HTR2C: variants seen among roughly 807,000 people sequenced by gnomAD.
HTR2C encodes the protein 5-hydroxytryptamine receptor 2C.
A neutral mutation model predicts 21.0 loss-of-function variants in HTR2C; 5 were observed. That is an observed-to-expected ratio of 0.24 (90% CI 0.12 to 0.50). HTR2C has a LOEUF of 0.50. HTR2C is among the 20% of genes least tolerant of loss of function. The pLI, the probability that HTR2C is intolerant of heterozygous loss-of-function variation, is 0.98. For synonymous variants in HTR2C, 150 were observed against 145.3 expected, an observed-to-expected ratio of 1.03 and a Z score of -0.23; for missense variants, 271 against 371.2, an observed-to-expected ratio of 0.73 and a Z score of 2.22.
At chrX:114,728,812 A>G (rs1185889734) in intron 3 of HTR2C, among the ~76,000 whole-genome samples, 4 of 111,892 alleles carry the variant, frequency 3.6e-5, no homozygotes, top group Non-Finnish European at 7.5e-5. Flanking sequence ...TTTCTGTTAT[A>G]TATAATTTGT....
At chrX:114,796,799 C>A (rs1251174351) in intron 4 of HTR2C, among the ~76,000 whole-genome samples, 1 of 111,397 alleles carries the variant, frequency 9.0e-6, no homozygotes, top group Non-Finnish European at 1.9e-5. Flanking sequence ...TTCCACTACC[C>A]AGTGATCACG....
At chrX:114,596,216 T>C (rs1927840079) in intron 1 of HTR2C, among the ~76,000 whole-genome samples, 1 of 112,345 alleles carries the variant, frequency 8.9e-6, no homozygotes, top group African/African-American at 3.2e-5. Context: ...AAGGTAGCAA[T>C]GTTTGCTTTA....
chrX:114,600,682 T>G (rs1928048950), intron 1 of HTR2C, among the ~76,000 whole-genome samples: 1 of 111,616 alleles, frequency 9.0e-6, no homozygotes, highest in African/African-American at 3.2e-5. Flanking sequence ...ACATTTTGAC[T>G]GCATATTCCA....
At chrX:114,715,218 G>T in intron 2 of HTR2C, 1 of 347,345 alleles carries the variant, frequency 2.9e-6, no homozygotes, top group Non-Finnish European at 6.0e-6. Context: ...AGCCGAGAAG[G>T]AAGAGCTGTT....
chrX:114,799,627 G>T (rs1216739898), intron 4 of HTR2C, among the ~76,000 whole-genome samples: 2 of 110,164 alleles, frequency 1.8e-5, no homozygotes, highest in African/African-American at 6.6e-5. Context: ...AACTAAAAAG[G>T]AATAACCAGT....
chrX:114,760,775 G>A (rs957441755), intron 4 of HTR2C, among the ~76,000 whole-genome samples: 2 of 111,044 alleles, frequency 1.8e-5, no homozygotes, highest in African/African-American at 6.6e-5. Flanking sequence ...CTCCCACCTC[G>A]GCCTCCCAAA....
chrX:114,790,354 A>G (rs2070219136), intron 4 of HTR2C, among the ~76,000 whole-genome samples: 1 of 111,917 alleles, frequency 8.9e-6, no homozygotes, highest in Non-Finnish European at 1.9e-5. Context: ...ATTTTATTGC[A>G]TTTATAATGA....
intron 5 of HTR2C, among the ~76,000 whole-genome samples, chrX:114,866,258 C>G (rs782500207): frequency 6.3e-5 from 7 of 110,873 alleles, no homozygotes; most frequent in African/African-American, 2.3e-4. Flanking sequence ...GCTTTTGAGT[C>G]ATATTTAAGA....
intron 2 of HTR2C, among the ~76,000 whole-genome samples, chrX:114,709,913 G>T (rs1932866461): frequency 9.0e-6 from 1 of 111,219 alleles, no homozygotes; most frequent in African/African-American, 3.3e-5. Context: ...TTCACTTAAA[G>T]AGAGGCAATG....
chrX:114,669,651 C>T (rs782734957), intron 2 of HTR2C, among the ~76,000 whole-genome samples: 2 of 111,795 alleles, frequency 1.8e-5, no homozygotes, highest in South Asian at 7.5e-4. Context: ...GCCGAGATCG[C>T]GCCACTGCAC....
chrX:114,713,470 G>T (rs1429786006), intron 2 of HTR2C, among the ~76,000 whole-genome samples: 1 of 111,133 alleles, frequency 9.0e-6, no homozygotes, highest in African/African-American at 3.3e-5. Context: ...TAGCAAAATT[G>T]CTACAATTGG....
chrX:114,894,030 C>T (rs782413934), intron 5 of HTR2C, among the ~76,000 whole-genome samples: 2 of 111,476 alleles, frequency 1.8e-5, no homozygotes, highest in Admixed American at 1.9e-4. Flanking sequence ...ACTAACACTA[C>T]CAAGGGGTGT....
chrX:114,807,510 CATAT>C (rs1176000172), intron 4 of HTR2C, among the ~76,000 whole-genome samples: 20 of 40,674 alleles, frequency 4.9e-4, no homozygotes, highest in African/African-American at 1.3e-3. Flanking sequence ...ATATATACAC[CATAT>C]ATATATATAC....
At chrX:114,649,838 C>T (rs1299156657) in intron 2 of HTR2C, among the ~76,000 whole-genome samples, 1 of 110,988 alleles carries the variant, frequency 9.0e-6, no homozygotes, top group African/African-American at 3.3e-5. Context: ...TGGTAACGAA[C>T]TCCTGACCTC....
chrX:114,906,672 C>G lies in HTR2C; in HGVS notation c.634C>G (p.Pro212Ala). The G allele has an allele frequency of 2.5e-6, 3 of 1,210,888 alleles. No individual in the cohort carries two copies. In the East Asian group the frequency reaches 8.9e-5, roughly 36 times the overall value. ...VNNTTCVLND[P>A]NFVLIGSFVA... Reference sequence around the variant, plus strand: ...CAACACGACGTGCGTGCTCAACGACCCAAATTTCGTTCTTATTGGGTCCTT... The same window carrying G: ...CAACACGACGTGCGTGCTCAACGACGCAAATTTCGTTCTTATTGGGTCCTT... Residue 212 changes from proline to alanine, a missense_variant, in exon 6 of 6, where the codon CCA (proline) becomes GCA (alanine). Physicochemically the swap from Pro to Ala is conservative, Grantham distance 27. Coordinates refer to ENST00000276198, the MANE Select transcript of HTR2C (RefSeq NM_000868.4).
intron 4 of HTR2C, among the ~76,000 whole-genome samples, chrX:114,821,878 CTTTTT>C (rs782532204): frequency 1.1e-5 from 1 of 93,969 alleles, no homozygotes; most frequent in Non-Finnish European, 2.1e-5. Context: ...ACTAAATATC[CTTTTT>C]TTTTTTTTTT....
chrX:114,764,909 TTCTTTCTTTCTTTCTTTTCCTTCCTTCC>T (rs1318509932), intron 4 of HTR2C, among the ~76,000 whole-genome samples: 1,207 of 71,435 alleles, frequency 0.017, 16 homozygotes, highest in Middle Eastern at 0.039. Context: ...CTTTCTTTCT[TTCTTTCTTTCTTTCTTTTCCTTCCTTCC>T]TTCCTTCCTT....
chrX:114,804,183 G>T (rs988612046), intron 4 of HTR2C, among the ~76,000 whole-genome samples: 4 of 111,562 alleles, frequency 3.6e-5, no homozygotes, highest in Admixed American at 9.6e-5. Context: ...TTGTGGAGGT[G>T]GTTACACCTA....
intron 2 of HTR2C, among the ~76,000 whole-genome samples, chrX:114,663,469 A>G (rs185332245): frequency 4.5e-5 from 5 of 112,236 alleles, no homozygotes; most frequent in Admixed American, 9.4e-5. Flanking sequence ...GGAAATCATA[A>G]CTAACTGGCA....
Sources: gnomAD v4.1 joint callset for allele counts (sites outside exome capture counted in the v4.1 genomes callset) on GRCh38, gnomAD v4.1.1 for gene constraint, MANE v1.5 for transcripts, NCBI Gene and HGNC (gene_info 2026-07-23, HGNC 2026-07-21) for gene names.